MDGA2: variants seen among roughly 807,000 people sequenced by gnomAD.
MDGA2 encodes the protein MAM domain-containing glycosylphosphatidylinositol anchor protein 2.
Under a neutral mutation model 117.8 loss-of-function variants are expected in MDGA2, and 40 were observed. The ratio of observed to expected loss-of-function variants is 0.34; its 90% CI spans 0.26 to 0.44. The LOEUF (loss-of-function observed/expected upper bound fraction) is 0.44, where lower values mean the gene tolerates loss of function less well. Ranked by LOEUF, MDGA2 falls within the 20% of genes least tolerant of loss-of-function variation. The pLI, the probability that MDGA2 is intolerant of heterozygous loss-of-function variation, is 1.00. For synonymous variants in MDGA2, 452 were observed against 439.0 expected (o/e 1.03, Z -0.37); for missense variants, 1,123 against 1,250.6 (o/e 0.90, Z 1.54).
At chr14:47,140,716 G>T (rs1882680449) in intron 4 of MDGA2, among the ~76,000 whole-genome samples, 1 of 152,014 alleles carries the variant, frequency 6.6e-6, no homozygotes, top group Non-Finnish European at 1.5e-5. Context: ...TAAGACCTGA[G>T]ATAACACAAC....
intron 1 of MDGA2, among the ~76,000 whole-genome samples, chr14:47,357,254 G>A (rs1226565950): frequency 6.6e-6 from 1 of 152,192 alleles, no homozygotes; most frequent in Admixed American, 6.5e-5. Context: ...AGGACTATTG[G>A]ACTAATCTTG....
chr14:47,234,295 A>C (rs1003065768), intron 2 of MDGA2, among the ~76,000 whole-genome samples: 1 of 151,396 alleles, frequency 6.6e-6, no homozygotes, highest in Non-Finnish European at 1.5e-5. Context: ...CCATAATCAT[A>C]AGTCATCTAG....
intron 1 of MDGA2, among the ~76,000 whole-genome samples, chr14:47,653,107 G>C (rs1897675265): frequency 6.6e-6 from 1 of 152,122 alleles, no homozygotes; most frequent in South Asian, 2.1e-4. Context: ...AAGAATCTTA[G>C]ATGGACAAGA....
intron 1 of MDGA2, among the ~76,000 whole-genome samples, chr14:47,435,257 G>C (rs954232771): frequency 3.3e-4 from 50 of 152,152 alleles, no homozygotes; most frequent in African/African-American, 1.2e-3. Context: ...AAGAGCTGCT[G>C]CACCCTCTTA....
intron 2 of MDGA2, among the ~76,000 whole-genome samples, chr14:47,240,177 T>C (rs1886993259): frequency 6.6e-6 from 1 of 151,640 alleles, no homozygotes; most frequent in African/African-American, 2.4e-5. Flanking sequence ...CCTCAGTAGC[T>C]GGGATTACAG....
At chr14:46,964,072 C>T (rs1381801142) in intron 8 of MDGA2, among the ~76,000 whole-genome samples, 1 of 152,140 alleles carries the variant, frequency 6.6e-6, no homozygotes, top group South Asian at 2.1e-4. Flanking sequence ...GGCAGTTCCA[C>T]TTCCTATCTT....
At chr14:47,036,884 T>A (rs60897567) in intron 7 of MDGA2, among the ~76,000 whole-genome samples, 22,226 of 152,236 alleles carry the variant, frequency 0.15, 1,710 homozygotes, top group Admixed American at 0.22. Context: ...CTTCACTTAT[T>A]GTTTAAAACA....
At chr14:47,343,000 C>T (rs999198587) in intron 1 of MDGA2, 2 of 1,154,586 alleles carry the variant, frequency 1.7e-6, no homozygotes, top group Admixed American at 2.3e-5. Context: ...AGAATGCTAC[C>T]TCAGGGGAGT....
At chr14:46,912,331 C>T (rs1275069831) in intron 10 of MDGA2, among the ~76,000 whole-genome samples, 2 of 152,034 alleles carry the variant, frequency 1.3e-5, no homozygotes, top group African/African-American at 2.4e-5. Context: ...CCCTGCAGTT[C>T]GTTTTTGCTG....
At chr14:46,989,492 C>A in intron 8 of MDGA2, among the ~76,000 whole-genome samples, 1 of 151,942 alleles carries the variant, frequency 6.6e-6, no homozygotes, top group East Asian at 1.9e-4. Context: ...TTCTTCATGG[C>A]TAGAATTATA....
At chr14:47,054,921 G>A (rs1295331014) in intron 7 of MDGA2, among the ~76,000 whole-genome samples, 1 of 150,980 alleles carries the variant, frequency 6.6e-6, no homozygotes, top group African/African-American at 2.4e-5. Context: ...ACTAGGCTAA[G>A]CTTTCTGTAT....
At chr14:47,203,511 T>C (rs1237769107) in intron 3 of MDGA2, among the ~76,000 whole-genome samples, 1 of 152,062 alleles carries the variant, frequency 6.6e-6, no homozygotes, top group East Asian at 1.9e-4. Flanking sequence ...GCTAGGAGCC[T>C]CAATCATATC....
intron 7 of MDGA2, among the ~76,000 whole-genome samples, chr14:47,044,278 A>G (rs1031817453): frequency 6.6e-6 from 1 of 152,174 alleles, no homozygotes; most frequent in African/African-American, 2.4e-5. Flanking sequence ...CCAAAAAACA[A>G]TAGATTTTTA....
chr14:47,084,428 G>A (rs1890819189), intron 6 of MDGA2, among the ~76,000 whole-genome samples: 1 of 149,124 alleles, frequency 6.7e-6, no homozygotes, highest in African/African-American at 2.5e-5. Context: ...AATGCCTACA[G>A]TAAAAAAGAA....
intron 8 of MDGA2, among the ~76,000 whole-genome samples, chr14:46,958,590 G>T (rs972877034): frequency 6.6e-6 from 1 of 152,166 alleles, no homozygotes; most frequent in Admixed American, 6.5e-5. Flanking sequence ...TGAGGTCAGT[G>T]GGACCAAAAA....
At chr14:47,454,607 C>T (rs939957075) in intron 1 of MDGA2, among the ~76,000 whole-genome samples, 1 of 152,106 alleles carries the variant, frequency 6.6e-6, no homozygotes, top group South Asian at 2.1e-4. Flanking sequence ...TAAGCTTTTA[C>T]ACATGTACCT....
intron 1 of MDGA2, among the ~76,000 whole-genome samples, chr14:47,332,266 A>G (rs1890315012): frequency 1.3e-5 from 2 of 152,014 alleles, no homozygotes; most frequent in South Asian, 4.1e-4. Context: ...AATTCTGTTA[A>G]CTAGTGACTG....
intron 9 of MDGA2, among the ~76,000 whole-genome samples, chr14:46,924,065 A>C (rs569498237): frequency 6.6e-6 from 1 of 152,064 alleles, no homozygotes; most frequent in Non-Finnish European, 1.5e-5. Context: ...TTCCAATCTA[A>C]ATATTTTCAG....
At chr14:47,264,585 G>T (rs893916318) in intron 2 of MDGA2, among the ~76,000 whole-genome samples, 3 of 151,790 alleles carry the variant, frequency 2.0e-5, no homozygotes, top group African/African-American at 7.3e-5. Flanking sequence ...AGTAATTAGG[G>T]CTTTTCACTC....
Sources: allele counts gnomAD v4.1 joint callset (sites outside exome capture counted in the v4.1 genomes callset), GRCh38; gene constraint gnomAD v4.1.1; transcripts MANE v1.5; gene names NCBI Gene and HGNC (gene_info 2026-07-23, HGNC 2026-07-21).